Variants in PDHX observed in about 807,000 individuals in gnomAD.
PDHX encodes the protein pyruvate dehydrogenase protein X component, mitochondrial.
PDHX carries 33 observed loss-of-function variants against 55.3 expected under a neutral mutation model. The observed-to-expected ratio is 0.60, with a 90% CI of 0.45 to 0.80. The LOEUF is 0.80. Among genes scored for constraint, PDHX ranks in the 30% least tolerant of loss-of-function variants. The pLI is 0.00. For missense variants in PDHX, 622 were observed against 619.9 expected (o/e 1.00, Z -0.04); for synonymous variants, 226 against 219.4 (o/e 1.03, Z -0.27).
intron 3 of PDHX, among the ~76,000 whole-genome samples, chr11:34,948,984 A>G (rs1854688792): frequency 6.6e-6 from 1 of 152,184 alleles, no homozygotes; most frequent in Non-Finnish European, 1.5e-5. Context: ...TCAAATTGCT[A>G]ACCATGTCAG....
At chr11:34,925,317 T>A (rs1853992417) in intron 1 of PDHX, among the ~76,000 whole-genome samples, 1 of 152,198 alleles carries the variant, frequency 6.6e-6, no homozygotes, top group Admixed American at 6.5e-5. Context: ...ACCACTGGAT[T>A]AAGAGAGGGG....
At chr11:34,924,138 C>T (rs1044742531) in intron 1 of PDHX, among the ~76,000 whole-genome samples, 1 of 152,158 alleles carries the variant, frequency 6.6e-6, no homozygotes, top group Non-Finnish European at 1.5e-5. Flanking sequence ...TATCTGGATG[C>T]CTCCAGAATA....
intron 5 of PDHX, among the ~76,000 whole-genome samples, chr11:34,961,813 G>A (rs979557667): frequency 4.6e-5 from 7 of 152,228 alleles, no homozygotes; most frequent in African/African-American, 1.7e-4. Context: ...CAGCTGTCCT[G>A]AGAGCTGACT....
chr11:34,944,084 T>TAC (rs1854563928), intron 2 of PDHX, among the ~76,000 whole-genome samples: 1 of 147,804 alleles, frequency 6.8e-6, no homozygotes, highest in Non-Finnish European at 1.5e-5. Context: ...CAAATATGTG[T>TAC]GTGTGTGTGT....
intron 2 of PDHX, among the ~76,000 whole-genome samples, chr11:34,944,972 A>G (rs1854587472): frequency 6.6e-6 from 1 of 151,882 alleles, no homozygotes; most frequent in Non-Finnish European, 1.5e-5. Context: ...TTTTCTTTCC[A>G]TGTGCCTGCC....
At chr11:34,926,669 A>C (rs574259482) in intron 1 of PDHX, among the ~76,000 whole-genome samples, 1,134 of 55,780 alleles carry the variant, frequency 0.02, 17 homozygotes, top group African/African-American at 0.077. Context: ...GCTTGTATTA[A>C]ATTTTTTTTT....
intron 2 of PDHX, among the ~76,000 whole-genome samples, chr11:34,938,776 A>G (rs1416996081): frequency 6.6e-6 from 1 of 152,206 alleles, no homozygotes; most frequent in African/African-American, 2.4e-5. Context: ...GAGCCAGCAG[A>G]CATATGGTCT....
intron 1 of PDHX, among the ~76,000 whole-genome samples, chr11:34,923,021 A>G (rs991932658): frequency 6.6e-6 from 1 of 152,170 alleles, no homozygotes; most frequent in Non-Finnish European, 1.5e-5. Flanking sequence ...CAAGAAGGAC[A>G]GTATTCCAAG....
intron 1 of PDHX, among the ~76,000 whole-genome samples, chr11:34,927,091 C>G (rs1341739504): frequency 6.6e-6 from 1 of 151,858 alleles, no homozygotes; most frequent in Non-Finnish European, 1.5e-5. Context: ...AGTACTGGAC[C>G]ACATACATTA....
intron 2 of PDHX, among the ~76,000 whole-genome samples, chr11:34,933,575 T>G (rs1657178023): frequency 6.6e-6 from 1 of 152,104 alleles, no homozygotes; most frequent in Non-Finnish European, 1.5e-5. Flanking sequence ...TGATGGTAAA[T>G]TTTCTAGCTC....
intron 3 of PDHX, 71 bp from the exon 4 acceptor site, chr11:34,957,313 A>C: frequency 1.9e-6 from 2 of 1,079,566 alleles, no homozygotes; most frequent in South Asian, 2.6e-5. Context: ...GAATTACCCA[A>C]CAAAAGAACA....
At chr11:34,916,263 C>T (rs747005576), upstream of PDHX, 4 of 1,612,582 alleles carry the variant, frequency 2.5e-6, no homozygotes, top group Admixed American at 1.7e-5. Flanking sequence ...CAGTCTCCCT[C>T]CCGAGCATCA....
At chr11:34,972,811 A>T (rs972571672) in intron 7 of PDHX, among the ~76,000 whole-genome samples, 1 of 152,156 alleles carries the variant, frequency 6.6e-6, no homozygotes, top group Non-Finnish European at 1.5e-5. Flanking sequence ...TTTGAGAACT[A>T]TTCATTTCTC....
At chr11:34,928,151 A>G (rs1391255205) in intron 1 of PDHX, among the ~76,000 whole-genome samples, 4 of 152,138 alleles carry the variant, frequency 2.6e-5, no homozygotes. Context: ...TTGTGTCGTG[A>G]CAACTGGAAC....
At chr11:34,984,910 C>A in intron 9 of PDHX, 182 bp downstream of exon 9, 1 of 594,564 alleles carries the variant, frequency 1.7e-6, no homozygotes. Context: ...CCAAGTATGA[C>A]CCATTGTAAG....
rs980790848 is a variant in PDHX at position 34,968,278 on chromosome 11, G to A, written c.816+1464G>A. Among the ~76,000 whole-genome samples the A allele has an allele frequency of 1.8e-4, 24 of 135,688 alleles. 1 individual carries two copies. Among genetic ancestry groups the A allele is most frequent in the East Asian group, 6.8e-4 (3 of 4,430 alleles). 89.0% of individuals were successfully genotyped at this position (135,688 alleles called of 152,430 possible). On this transcript the variant is annotated intron_variant, in intron 6 of 10. Transcript: ENST00000227868. ...CCTATCTCAAAAAAAAAAAAAAAAAGTTATTCAAATTAAGGAGGTAAACCT... is the reference window on the plus strand; with the variant it reads ...CCTATCTCAAAAAAAAAAAAAAAAAATTATTCAAATTAAGGAGGTAAACCT...
At chr11:34,981,136 C>T (rs1855502293) in intron 8 of PDHX, among the ~76,000 whole-genome samples, 1 of 152,072 alleles carries the variant, frequency 6.6e-6, no homozygotes, top group South Asian at 2.1e-4. Context: ...TCTCCAAATG[C>T]TGTCCTTCCC....
intron 8 of PDHX, among the ~76,000 whole-genome samples, chr11:34,983,776 A>G (rs1855577430): frequency 1.3e-5 from 2 of 152,176 alleles, no homozygotes; most frequent in Admixed American, 6.5e-5. Context: ...AATAAAAGAG[A>G]ATACAAACAA....
chr11:34,964,739 A>G (rs1855089762), intron 5 of PDHX, among the ~76,000 whole-genome samples: 1 of 150,720 alleles, frequency 6.6e-6, no homozygotes, highest in Non-Finnish European at 1.5e-5. Context: ...TTTTTAAAAA[A>G]TAAAGTAGCA....
Sources: allele counts gnomAD v4.1 joint callset (sites outside exome capture counted in the v4.1 genomes callset), GRCh38; gene constraint gnomAD v4.1.1; transcripts MANE v1.5; gene names NCBI Gene and HGNC (gene_info 2026-07-23, HGNC 2026-07-21).